Variants in PTPRN2 observed in about 807,000 individuals in gnomAD.
PTPRN2 encodes protein tyrosine phosphatase receptor type N2.
In PTPRN2, 74 loss-of-function variants were observed where a neutral mutation model predicts 118.8. The ratio of observed to expected loss-of-function variants is 0.62; its 90% CI spans 0.52 to 0.76. The LOEUF is 0.76. Ranked by LOEUF, PTPRN2 falls within the 30% of genes least tolerant of loss-of-function variation. The pLI is 0.00. For missense variants in PTPRN2, 1,481 were observed against 1,394.4 expected, an observed-to-expected ratio of 1.06 and a Z score of -0.99; for synonymous variants, 641 against 608.0, an observed-to-expected ratio of 1.05 and a Z score of -0.80.
rs111957619 is a variant in PTPRN2, at chr7:158,047,584, A to G, written c.1723+33714T>C. Among the ~76,000 whole-genome samples the G allele has an allele frequency of 3.4e-3, 518 of 152,146 alleles. 3 individuals carry two copies. The highest frequency in any genetic ancestry group is 4.0e-3 in the Non-Finnish European group (272 of 67,996). ...GAGTGTGTGAGGCCTGCCTGCAGTC[A>G]CTGAGAGTGCAAGGGCTACCTGCAG... On this transcript the variant is annotated intron_variant, in intron 11 of 22. Coordinates refer to ENST00000389418, the MANE Select transcript of PTPRN2 (RefSeq NM_002847.5).
In PTPRN2 at chr7:158,060,316, C is replaced by G. The variant is rs550163174; in HGVS notation, c.1723+20982G>C. On this transcript the variant is annotated intron_variant, in intron 11 of 22. Transcript: ENST00000389418. ...ACTGCAGCCACGCTCCATCTGCACACGGTGACACATCAGTGCAGGGTAGAA... is the reference window on the plus strand; with the variant it reads ...ACTGCAGCCACGCTCCATCTGCACAGGGTGACACATCAGTGCAGGGTAGAA... 8.5e-5 allele frequency among the ~76,000 whole-genome samples: 12 copies of G among 141,626 alleles called. 1 individual carries two copies. The highest frequency in any genetic ancestry group is 2.8e-4 in the African/African-American group (9 of 32,624). 92.9% of individuals were successfully genotyped at this position (141,626 alleles called of 152,430 possible).
chr7:158,488,331 G>C (rs1336574339), intron 2 of PTPRN2, among the ~76,000 whole-genome samples: 1 of 152,066 alleles, frequency 6.6e-6, no homozygotes, highest in Non-Finnish European at 1.5e-5. Flanking sequence ...ACGAGCTGCC[G>C]GTTCCCACTT....
intron 2 of PTPRN2, among the ~76,000 whole-genome samples, chr7:158,371,942 G>A (rs554246396): frequency 1.4e-4 from 22 of 152,324 alleles, no homozygotes; most frequent in South Asian, 6.2e-4. Context: ...TGGACGTAGC[G>A]CACTCAGCGT....
chr7:157,694,172 C>T (rs1563353449), intron 12 of PTPRN2, among the ~76,000 whole-genome samples: 1 of 152,246 alleles, frequency 6.6e-6, no homozygotes, highest in South Asian at 2.1e-4. Context: ...CACCGCATTC[C>T]TGATTTGATC....
chr7:158,228,952 G>A (rs1218597081), intron 3 of PTPRN2, among the ~76,000 whole-genome samples: 1 of 152,042 alleles, frequency 6.6e-6, no homozygotes, highest in Non-Finnish European at 1.5e-5. Flanking sequence ...TCTGCAACTC[G>A]GTCAAAGAGG....
intron 11 of PTPRN2, among the ~76,000 whole-genome samples, chr7:158,051,765 G>C (rs868599980): frequency 6.6e-6 from 1 of 152,126 alleles, no homozygotes; most frequent in South Asian, 2.1e-4. Flanking sequence ...ATATCACTGT[G>C]ACTGATTAAA....
At chr7:157,670,743 A>T (rs955059194) in intron 13 of PTPRN2, among the ~76,000 whole-genome samples, 2 of 152,232 alleles carry the variant, frequency 1.3e-5, no homozygotes, top group Admixed American at 6.5e-5. Context: ...CAAAGTTCAC[A>T]GATCCAACAC....
At chr7:157,911,659 T>C (rs1798113392) in intron 11 of PTPRN2, among the ~76,000 whole-genome samples, 1 of 152,192 alleles carries the variant, frequency 6.6e-6, no homozygotes, top group Non-Finnish European at 1.5e-5. Flanking sequence ...CCTGACACTC[T>C]GAAAAGAGAT....
chr7:158,459,644 A>C (rs553511748), intron 2 of PTPRN2, among the ~76,000 whole-genome samples: 2 of 152,332 alleles, frequency 1.3e-5, no homozygotes, highest in Admixed American at 1.3e-4. Flanking sequence ...CTAAATGTCC[A>C]GTGGCCCCTG....
chr7:158,217,198 T>C (rs1273615902), intron 3 of PTPRN2, among the ~76,000 whole-genome samples: 1 of 152,140 alleles, frequency 6.6e-6, no homozygotes, highest in Non-Finnish European at 1.5e-5. Context: ...GTTTAGCTGG[T>C]GGCCCCTGAT....
chr7:158,522,319 G>C (rs10232986), intron 1 of PTPRN2, among the ~76,000 whole-genome samples: 634 of 18,048 alleles, frequency 0.035, 19 homozygotes, highest in Non-Finnish European at 0.044. Context: ...TGTCCGGGTA[G>C]TGGCTCGGGA....
At chr7:157,659,573 G>A (rs1795793319) in intron 13 of PTPRN2, among the ~76,000 whole-genome samples, 1 of 151,726 alleles carries the variant, frequency 6.6e-6, no homozygotes, top group African/African-American at 2.4e-5. Flanking sequence ...TAAGAAAAGG[G>A]AGAGTTCCAG....
At chr7:158,495,667 C>T (rs1334786503) in intron 1 of PTPRN2, among the ~76,000 whole-genome samples, 2 of 152,196 alleles carry the variant, frequency 1.3e-5, no homozygotes, top group Admixed American at 1.3e-4. Context: ...TAAACCAGGG[C>T]GGCATCCAGG....
chr7:157,994,011 T>C (rs2128849206), intron 11 of PTPRN2, among the ~76,000 whole-genome samples: 1 of 152,354 alleles, frequency 6.6e-6, no homozygotes, highest in South Asian at 2.1e-4. Flanking sequence ...GTTTACACCC[T>C]GAGCTGTGGC....
At chr7:158,541,148 A>T (rs1825964850) in intron 1 of PTPRN2, among the ~76,000 whole-genome samples, 2 of 152,186 alleles carry the variant, frequency 1.3e-5, no homozygotes, top group Admixed American at 1.3e-4. Flanking sequence ...CATAAACACT[A>T]GTGTGCCTGG....
chr7:158,522,379 G>T (rs929006040), intron 1 of PTPRN2, among the ~76,000 whole-genome samples: 5 of 139,688 alleles, frequency 3.6e-5, no homozygotes, highest in Admixed American at 7.1e-5. Context: ...GCTCGGGAGG[G>T]AGGTCCACGT....
intron 12 of PTPRN2, among the ~76,000 whole-genome samples, chr7:157,790,720 T>C (rs1336639272): frequency 6.6e-6 from 1 of 152,216 alleles, no homozygotes; most frequent in Non-Finnish European, 1.5e-5. Flanking sequence ...TACTTTTTAA[T>C]CTTGGGTTCA....
intron 12 of PTPRN2, among the ~76,000 whole-genome samples, chr7:157,800,355 C>G (rs569694180): frequency 4.5e-4 from 69 of 152,302 alleles, no homozygotes; most frequent in African/African-American, 1.6e-3. Context: ...AGAAATTACC[C>G]GGTCACTATA....
intron 11 of PTPRN2, among the ~76,000 whole-genome samples, chr7:157,969,910 T>C (rs1412166265): frequency 6.7e-6 from 1 of 150,292 alleles, no homozygotes; most frequent in Non-Finnish European, 1.5e-5. Flanking sequence ...AATAAGTGAG[T>C]AGCAAAAACA....
Sources: gnomAD v4.1 joint callset for allele counts (sites outside exome capture counted in the v4.1 genomes callset) on GRCh38, gnomAD v4.1.1 for gene constraint, MANE v1.5 for transcripts, NCBI Gene and HGNC (gene_info 2026-07-23, HGNC 2026-07-21) for gene names.